The following PCDH9 variants were observed in gnomAD, a reference collection of about 807,000 sequenced individuals.
PCDH9 encodes the protein protocadherin-9.
PCDH9 carries 24 observed loss-of-function variants against 70.6 expected under a neutral mutation model. The observed-to-expected ratio is 0.34, with a 90% CI of 0.25 to 0.48. The LOEUF is 0.48. Ranked by LOEUF, PCDH9 falls within the 20% of genes least tolerant of loss-of-function variation. The pLI is 0.99. For synonymous variants in PCDH9, 562 were observed against 558.5 expected (o/e 1.01, Z -0.09); for missense variants, 1,281 against 1,503.6 (o/e 0.85, Z 2.45).
At position 66,340,017 on chromosome 13, in the gene PCDH9, A is replaced by G. The variant is rs567897714; in HGVS notation, c.3341-34989T>C. ...CTTCCTCCTTTGTCTTCCCTGTGCA[A>G]CTATACTTGGGGAGAATGATAAACA... On this transcript the variant is annotated intron_variant, in intron 4 of 4. Coordinates refer to ENST00000377865, the MANE Select transcript of PCDH9 (RefSeq NM_203487.3). 3.3e-5 allele frequency among the ~76,000 whole-genome samples: 5 copies of G among 152,234 alleles called. No homozygotes were observed. The South Asian group carries it at 6.2e-4, about 19-fold the overall frequency.
chr13:66,383,037 A>T (rs9529054), intron 4 of PCDH9, among the ~76,000 whole-genome samples: 1 of 152,156 alleles, frequency 6.6e-6, no homozygotes, highest in Non-Finnish European at 1.5e-5. Flanking sequence ...CAAAACAAAC[A>T]AAAACAAACA....
At chr13:67,217,559 AT>A (rs2089636683) in intron 2 of PCDH9, 1 of 152,190 alleles carries the variant, frequency 6.6e-6, no homozygotes, top group Non-Finnish European at 1.5e-5. Context: ...GAAGCTAAAT[AT>A]ATTGAAATCC....
At chr13:66,384,998 A>G (rs1367283411) in intron 4 of PCDH9, among the ~76,000 whole-genome samples, 2 of 151,972 alleles carry the variant, frequency 1.3e-5, no homozygotes, top group South Asian at 4.2e-4. Context: ...CTTTTGTTCC[A>G]CATCTCTCAT....
chr13:66,585,085 T>C (rs2076944846), intron 4 of PCDH9, among the ~76,000 whole-genome samples: 1 of 152,076 alleles, frequency 6.6e-6, no homozygotes, highest in Non-Finnish European at 1.5e-5. Flanking sequence ...GGGGTTCATA[T>C]TCAGAGAGTG....
intron 3 of PCDH9, among the ~76,000 whole-genome samples, chr13:66,706,730 C>A (rs2078716440): frequency 6.6e-6 from 1 of 152,080 alleles, no homozygotes; most frequent in African/African-American, 2.4e-5. Flanking sequence ...TATTCTTTGC[C>A]CAGTGAAAAT....
chr13:66,539,050 G>T (rs888864316), intron 4 of PCDH9, among the ~76,000 whole-genome samples: 1 of 151,854 alleles, frequency 6.6e-6, no homozygotes, highest in Non-Finnish European at 1.5e-5. Context: ...GCAGAAAATA[G>T]AAGCAAAAAT....
chr13:66,911,454 C>G (rs1455128069), intron 2 of PCDH9, among the ~76,000 whole-genome samples: 1 of 152,096 alleles, frequency 6.6e-6, no homozygotes, highest in Non-Finnish European at 1.5e-5. Flanking sequence ...AAAACAAAAC[C>G]ATTTTTATGA....
intron 2 of PCDH9, among the ~76,000 whole-genome samples, chr13:67,065,733 A>G (rs2085634203): frequency 6.6e-6 from 1 of 152,212 alleles, no homozygotes; most frequent in Admixed American, 6.5e-5. Context: ...GTAGGGGCAG[A>G]GCAGGTTTTA....
chr13:66,514,682 T>A (rs967405081), intron 4 of PCDH9, among the ~76,000 whole-genome samples: 1 of 152,072 alleles, frequency 6.6e-6, no homozygotes, highest in African/African-American at 2.4e-5. Context: ...AAAGCTCCCA[T>A]TGTCTTATTT....
intron 2 of PCDH9, among the ~76,000 whole-genome samples, chr13:66,950,500 T>G (rs1164726714): frequency 6.6e-6 from 1 of 152,130 alleles, no homozygotes; most frequent in Non-Finnish European, 1.5e-5. Context: ...TATGATTTTT[T>G]TTTTTTAGTT....
intron 2 of PCDH9, chr13:67,206,831 CT>C (rs2089360348): frequency 6.6e-6 from 1 of 152,100 alleles, no homozygotes; most frequent in Non-Finnish European, 1.5e-5. Context: ...CTGAGATACA[CT>C]TGTTATCATT....
At chr13:66,957,387 T>C (rs2083280792) in intron 2 of PCDH9, among the ~76,000 whole-genome samples, 1 of 152,126 alleles carries the variant, frequency 6.6e-6, no homozygotes, top group Non-Finnish European at 1.5e-5. Context: ...GCGATGCCTG[T>C]TGGGAATCTG....
At chr13:67,083,158 T>C (rs2086020348) in intron 2 of PCDH9, among the ~76,000 whole-genome samples, 2 of 152,184 alleles carry the variant, frequency 1.3e-5, no homozygotes, top group Non-Finnish European at 2.9e-5. Context: ...ATTGATGATA[T>C]ATTCTGCATC....
At chr13:67,026,140 A>C (rs1278211305) in intron 2 of PCDH9, among the ~76,000 whole-genome samples, 1 of 152,106 alleles carries the variant, frequency 6.6e-6, no homozygotes, top group Non-Finnish European at 1.5e-5. Flanking sequence ...TATATGCTGG[A>C]TTACATTTAT....
At chr13:66,546,098 A>G (rs2138668891) in intron 4 of PCDH9, among the ~76,000 whole-genome samples, 1 of 151,874 alleles carries the variant, frequency 6.6e-6, no homozygotes, top group African/African-American at 2.4e-5. Flanking sequence ...TCGGCCTCCC[A>G]AAGTGCTGGG....
intron 4 of PCDH9, among the ~76,000 whole-genome samples, chr13:66,496,329 G>A (rs536076566): frequency 1.3e-5 from 2 of 152,210 alleles, no homozygotes; most frequent in South Asian, 4.1e-4. Flanking sequence ...CTCCAGGTCT[G>A]TTTTCATTTT....
intron 3 of PCDH9, among the ~76,000 whole-genome samples, chr13:66,700,923 A>ATATATATATATATAT (rs1566514288): frequency 5.1e-5 from 3 of 58,436 alleles, no homozygotes; most frequent in Admixed American, 2.1e-4. Flanking sequence ...TGTACATATA[A>ATATATATATATATAT]ATATATATAT....
intron 4 of PCDH9, among the ~76,000 whole-genome samples, chr13:66,328,149 C>T (rs1448415009): frequency 6.6e-6 from 1 of 152,170 alleles, no homozygotes; most frequent in Non-Finnish European, 1.5e-5. Flanking sequence ...GATTTACTCT[C>T]ATCAAGGACA....
At chr13:66,688,491 T>C (rs961448974) in intron 3 of PCDH9, among the ~76,000 whole-genome samples, 1 of 152,146 alleles carries the variant, frequency 6.6e-6, no homozygotes, top group African/African-American at 2.4e-5. Context: ...CACAAAGTGT[T>C]AATATATATT....
Sources: gnomAD v4.1 joint callset for allele counts (sites outside exome capture counted in the v4.1 genomes callset) on GRCh38, gnomAD v4.1.1 for gene constraint, MANE v1.5 for transcripts, NCBI Gene and HGNC (gene_info 2026-07-23, HGNC 2026-07-21) for gene names.